Variants in SNX7 observed in about 807,000 individuals in gnomAD.
SNX7 encodes the protein sorting nexin 7.
SNX7 carries 35 observed loss-of-function variants against 48.4 expected under a neutral mutation model. The observed-to-expected ratio is 0.72, with a 90% CI of 0.55 to 0.96. The LOEUF (loss-of-function observed/expected upper bound fraction) is 0.96. Among genes scored for constraint, SNX7 ranks in the 40% least tolerant of loss-of-function variants. The pLI is 0.00. For synonymous variants in SNX7, 190 were observed against 190.2 expected, an observed-to-expected ratio of 1.00 and a Z score of 0.01; for missense variants, 553 against 548.9, an observed-to-expected ratio of 1.01 and a Z score of -0.07.
chr1:98,668,409 G>T (rs941870217), intron 1 of SNX7, among the ~76,000 whole-genome samples: 11 of 152,168 alleles, frequency 7.2e-5, no homozygotes, highest in African/African-American at 2.7e-4. Context: ...TCAAAAAATG[G>T]CAGAGGAATA....
chr1:98,694,266 A>G (rs887313362), intron 4 of SNX7, among the ~76,000 whole-genome samples: 13 of 149,538 alleles, frequency 8.7e-5, no homozygotes, highest in African/African-American at 3.0e-4. Context: ...GCTACTCAGG[A>G]GGCTGAGGCA....
At chr1:98,755,510 T>C (rs1654798159) in intron 8 of SNX7, among the ~76,000 whole-genome samples, 1 of 152,112 alleles carries the variant, frequency 6.6e-6, no homozygotes, top group African/African-American at 2.4e-5. Flanking sequence ...CTTTTATCAT[T>C]ATGAAATGAT....
At chr1:98,680,799 T>C (rs941696399) in intron 1 of SNX7, among the ~76,000 whole-genome samples, 7 of 152,212 alleles carry the variant, frequency 4.6e-5, no homozygotes, top group Non-Finnish European at 8.8e-5. Context: ...TCATTGTCCA[T>C]GTCATTATCA....
At chr1:98,757,061 C>G (rs143565081) in intron 8 of SNX7, among the ~76,000 whole-genome samples, 1 of 152,032 alleles carries the variant, frequency 6.6e-6, no homozygotes, top group Non-Finnish European at 1.5e-5. Context: ...CTCCTGCATA[C>G]GCCATGCGGC....
intron 8 of SNX7, among the ~76,000 whole-genome samples, chr1:98,745,810 C>A (rs888881818): frequency 6.6e-6 from 1 of 152,058 alleles, no homozygotes; most frequent in African/African-American, 2.4e-5. Context: ...TGTGGATCAT[C>A]TAATTTATTT....
chr1:98,673,586 T>C (rs1287940099), intron 1 of SNX7, among the ~76,000 whole-genome samples: 1 of 152,220 alleles, frequency 6.6e-6, no homozygotes, highest in East Asian at 1.9e-4. Context: ...TCTTGACCAC[T>C]ATTGTATCCC....
intron 7 of SNX7, among the ~76,000 whole-genome samples, chr1:98,721,857 T>C (rs1652890409): frequency 6.6e-6 from 1 of 152,096 alleles, no homozygotes; most frequent in Non-Finnish European, 1.5e-5. Flanking sequence ...GGACTGTGAA[T>C]TTTTTTGTTT....
At chr1:98,755,099 T>G (rs989796825) in intron 8 of SNX7, among the ~76,000 whole-genome samples, 1 of 152,144 alleles carries the variant, frequency 6.6e-6, no homozygotes, top group Admixed American at 6.5e-5. Flanking sequence ...TTTCAAATAT[T>G]TGGTGATTTT....
intron 8 of SNX7, among the ~76,000 whole-genome samples, chr1:98,751,631 A>G (rs961458946): frequency 1.3e-5 from 2 of 151,982 alleles, no homozygotes; most frequent in Admixed American, 6.6e-5. Context: ...TTTCTGGTCA[A>G]CCCACATCCT....
At chr1:98,690,989 T>C in intron 2 of SNX7, 86 bp from the exon 3 acceptor site, 1 of 754,954 alleles carries the variant, frequency 1.3e-6, no homozygotes, top group Non-Finnish European at 2.0e-6. Context: ...TAGAGACCCA[T>C]TTATTTCACA....
chr1:98,701,248 T>C (rs1475407894), intron 6 of SNX7, among the ~76,000 whole-genome samples: 2 of 152,170 alleles, frequency 1.3e-5, no homozygotes, highest in Non-Finnish European at 1.5e-5. Flanking sequence ...GGCTATGATC[T>C]CTCATCCAAA....
intron 1 of SNX7, among the ~76,000 whole-genome samples, chr1:98,672,662 C>T (rs1258529665): frequency 2.0e-5 from 3 of 151,784 alleles, no homozygotes; most frequent in South Asian, 2.1e-4. Flanking sequence ...CGGTGGCTCA[C>T]GCCTGTAATC....
intron 5 of SNX7, among the ~76,000 whole-genome samples, chr1:98,698,134 C>T (rs897933558): frequency 1.3e-5 from 2 of 152,104 alleles, no homozygotes; most frequent in Non-Finnish European, 2.9e-5. Context: ...TTAGGAGACC[C>T]TTGAAGCAGT....
At chr1:98,694,438 C>G (rs1464938829) in intron 4 of SNX7, among the ~76,000 whole-genome samples, 1 of 151,472 alleles carries the variant, frequency 6.6e-6, no homozygotes, top group South Asian at 2.1e-4. Context: ...CACTGTTTAC[C>G]CACTTCATTT....
rs536509006 is a variant in SNX7, at chr1:98,666,039, T to C, written c.180+4128T>C. 4.6e-4 allele frequency among the ~76,000 whole-genome samples: 70 copies of C among 152,328 alleles called. 1 individual carries two copies. The South Asian group carries it at 9.1e-3, about 20-fold the overall frequency. On this transcript the variant is annotated intron_variant, in intron 1 of 8. Transcript: ENST00000306121. ...ATAATTATACTATTCATCTATTCTA[T>C]CAAATAATTAGAAAAAGATTAGGAA...
chr1:98,734,803 CTA>C (rs1370335470), intron 7 of SNX7, among the ~76,000 whole-genome samples: 1 of 152,104 alleles, frequency 6.6e-6, no homozygotes, highest in Non-Finnish European at 1.5e-5. Context: ...CATTTTTTCA[CTA>C]TCTTACAGTC....
chr1:98,697,273 G>T (rs900803616), intron 5 of SNX7, among the ~76,000 whole-genome samples: 7 of 152,008 alleles, frequency 4.6e-5, no homozygotes, highest in African/African-American at 1.7e-4. Flanking sequence ...ATAACAACTA[G>T]TATCTCCATT....
intron 7 of SNX7, among the ~76,000 whole-genome samples, chr1:98,717,026 G>A (rs1025883020): frequency 6.6e-6 from 1 of 151,684 alleles, no homozygotes; most frequent in African/African-American, 2.4e-5. Flanking sequence ...AAAAAACTTG[G>A]ATTTCATAAT....
Position 98,674,410 on chromosome 1 carries a change from T to C in SNX7, c.181-10475T>C, listed in dbSNP as rs569713379. Among the ~76,000 whole-genome samples, 7 of 152,336 alleles carry C rather than the reference T, an allele frequency of 4.6e-5. No individual in the cohort carries two copies. In the South Asian group the frequency reaches 1.4e-3, roughly 32 times the overall value. ...GTTCCAGACTTCCCAACATGGCTTA[T>C]AGATCCATGTTCTCCCAGTGTCTCC... is the stretch of plus-strand genomic sequence containing the variant. On this transcript the variant is annotated intron_variant, in intron 1 of 8. Transcript: ENST00000306121.
Sources: allele counts gnomAD v4.1 joint callset (sites outside exome capture counted in the v4.1 genomes callset), GRCh38; gene constraint gnomAD v4.1.1; transcripts MANE v1.5; gene names NCBI Gene and HGNC (gene_info 2026-07-23, HGNC 2026-07-21).